Variants in EDIL3 observed in about 807,000 individuals in gnomAD.
The protein encoded by EDIL3 is EGF-like repeat and discoidin I-like domain-containing protein 3.
In EDIL3, 37 loss-of-function variants were observed where a neutral mutation model predicts 67.4. The ratio of observed to expected loss-of-function variants is 0.55; its 90% CI spans 0.42 to 0.72. The LOEUF is 0.72. Ranked by LOEUF, EDIL3 falls within the 30% of genes least tolerant of loss-of-function variation. The probability of loss-of-function intolerance (pLI) is 0.00; values close to 1 mark genes in which losing one functional copy is unlikely to be tolerated. For synonymous variants in EDIL3, 195 were observed against 196.3 expected (o/e 0.99, Z 0.05); for missense variants, 527 against 586.3 (o/e 0.90, Z 1.04).
chr5:83,999,765 AATG>A (rs1745293139), intron 9 of EDIL3, among the ~76,000 whole-genome samples: 1 of 152,128 alleles, frequency 6.6e-6, no homozygotes, highest in African/African-American at 2.4e-5. Context: ...AAACCTAGAG[AATG>A]ATATCAATAA....
chr5:84,325,672 A>C lies in EDIL3; in HGVS notation c.67+58636T>G, dbSNP rs374851122. On this transcript the variant is annotated intron_variant, in intron 1 of 10. Coordinates refer to ENST00000296591, the MANE Select transcript of EDIL3 (RefSeq NM_005711.5). ...AAATATTGAAGGCAGTTTCTCAAAGACATATGTGTACATTCATGTTCATAG... is the reference window on the plus strand; with the variant it reads ...AAATATTGAAGGCAGTTTCTCAAAGCCATATGTGTACATTCATGTTCATAG... 2.6e-5 allele frequency among the ~76,000 whole-genome samples: 4 copies of C among 152,180 alleles called. No homozygotes were observed. The East Asian group carries it at 5.8e-4, about 22-fold the overall frequency.
At chr5:84,274,742 TAC>T (rs147509457) in intron 1 of EDIL3, among the ~76,000 whole-genome samples, 4 of 149,402 alleles carry the variant, frequency 2.7e-5, no homozygotes, top group Non-Finnish European at 3.0e-5. Flanking sequence ...ACTACACACA[TAC>T]ACACACACAC....
intron 1 of EDIL3, among the ~76,000 whole-genome samples, chr5:84,306,114 A>T (rs543597155): frequency 1.3e-5 from 2 of 152,178 alleles, no homozygotes; most frequent in Admixed American, 6.5e-5. Context: ...ATCAACGCAT[A>T]CTCAGGAAAT....
chr5:84,179,721 T>C (rs1371249987), intron 4 of EDIL3, among the ~76,000 whole-genome samples: 1 of 152,116 alleles, frequency 6.6e-6, no homozygotes, highest in Non-Finnish European at 1.5e-5. Flanking sequence ...TCTGTGAGAA[T>C]CTCCCTGACA....
At chr5:84,248,816 C>T (rs1485434624) in intron 2 of EDIL3, among the ~76,000 whole-genome samples, 1 of 152,200 alleles carries the variant, frequency 6.6e-6, no homozygotes, top group East Asian at 1.9e-4. Context: ...TCTATGGTAT[C>T]ATCTAAATAC....
At chr5:84,116,059 A>C (rs533150200) in intron 5 of EDIL3, among the ~76,000 whole-genome samples, 1 of 152,300 alleles carries the variant, frequency 6.6e-6, no homozygotes, top group Non-Finnish European at 1.5e-5. Context: ...TTTTTATTTG[A>C]GAGATAAATC....
chr5:84,298,915 G>C (rs1221261536), intron 1 of EDIL3, among the ~76,000 whole-genome samples: 1 of 152,136 alleles, frequency 6.6e-6, no homozygotes, highest in African/African-American at 2.4e-5. Context: ...CCCTGTGGCT[G>C]CTTCTTCATC....
chr5:84,080,297 T>TAAAAAAAAAAA (rs1746940880), intron 6 of EDIL3, among the ~76,000 whole-genome samples: 2 of 18,892 alleles, frequency 1.1e-4, no homozygotes, highest in Non-Finnish European at 9.1e-5. Context: ...AGACTCTGTC[T>TAAAAAAAAAAA]CAAAAAAAAA....
intron 5 of EDIL3, among the ~76,000 whole-genome samples, chr5:84,108,744 A>G (rs1288828138): frequency 6.6e-6 from 1 of 152,202 alleles, no homozygotes; most frequent in Admixed American, 6.6e-5. Flanking sequence ...AGGGGTCTCA[A>G]GCATCTTGTC....
At chr5:84,286,274 T>G (rs1310572088) in intron 1 of EDIL3, among the ~76,000 whole-genome samples, 1 of 152,088 alleles carries the variant, frequency 6.6e-6, no homozygotes, top group African/African-American at 2.4e-5. Flanking sequence ...CTCTCCCCAT[T>G]CTATATATTT....
intron 1 of EDIL3, among the ~76,000 whole-genome samples, chr5:84,299,454 A>G (rs1746113794): frequency 6.6e-6 from 1 of 152,160 alleles, no homozygotes; most frequent in South Asian, 2.1e-4. Context: ...CTCCTCATAG[A>G]TCCCTACAAA....
At chr5:84,016,050 C>T (rs1228289053) in intron 9 of EDIL3, among the ~76,000 whole-genome samples, 1 of 152,126 alleles carries the variant, frequency 6.6e-6, no homozygotes, top group East Asian at 1.9e-4. Context: ...TCCCACCACC[C>T]ACCCTCAAGT....
At chr5:84,368,157 C>T (rs1046421558) in intron 1 of EDIL3, among the ~76,000 whole-genome samples, 5 of 147,992 alleles carry the variant, frequency 3.4e-5, no homozygotes, top group Non-Finnish European at 7.4e-5. Flanking sequence ...ATCCTAAGAC[C>T]ATATGAAATC....
intron 5 of EDIL3, among the ~76,000 whole-genome samples, chr5:84,135,042 T>C (rs1580343524): frequency 6.6e-6 from 1 of 152,210 alleles, no homozygotes. Context: ...CCCTCTTTCA[T>C]AGCCTTACTG....
intron 3 of EDIL3, among the ~76,000 whole-genome samples, chr5:84,199,234 A>T (rs1280013744): frequency 6.6e-6 from 1 of 151,834 alleles, no homozygotes; most frequent in Non-Finnish European, 1.5e-5. Flanking sequence ...CCTTTGTCCT[A>T]TTTTCCTTTA....
intron 10 of EDIL3, among the ~76,000 whole-genome samples, chr5:83,947,986 C>T (rs1361555330): frequency 1.3e-5 from 2 of 151,700 alleles, no homozygotes; most frequent in African/African-American, 4.8e-5. Context: ...TCAGTGAAAG[C>T]GTGGTATTTA....
intron 3 of EDIL3, among the ~76,000 whole-genome samples, chr5:84,216,893 A>T (rs1429110788): frequency 6.6e-6 from 1 of 152,112 alleles, no homozygotes; most frequent in African/African-American, 2.4e-5. Context: ...AGGTGCCCTT[A>T]TTGTCCCATT....
At chr5:83,943,640 T>C in intron 10 of EDIL3, 72 bp from the exon 11 acceptor site, 1 of 1,545,412 alleles carries the variant, frequency 6.5e-7, no homozygotes, top group Non-Finnish European at 8.8e-7. Context: ...TGTTCCTGTT[T>C]GGAACATTTT....
chr5:84,368,805 G>T (rs971843464), intron 1 of EDIL3, among the ~76,000 whole-genome samples: 16 of 152,098 alleles, frequency 1.1e-4, no homozygotes, highest in African/African-American at 3.6e-4. Context: ...TCAAAAATGG[G>T]CAAAGGAATT....
Sources: allele counts gnomAD v4.1 joint callset (sites outside exome capture counted in the v4.1 genomes callset), GRCh38; gene constraint gnomAD v4.1.1; transcripts MANE v1.5; gene names NCBI Gene and HGNC (gene_info 2026-07-23, HGNC 2026-07-21).